The following DBNL variants were observed in gnomAD, a reference collection of about 807,000 sequenced individuals.
The protein encoded by DBNL is drebrin like.
In DBNL, 35 loss-of-function variants were observed where a neutral mutation model predicts 62.2. That is an observed-to-expected ratio of 0.56 (90% CI 0.43 to 0.75). The LOEUF (loss-of-function observed/expected upper bound fraction) is 0.75, where lower values mean the gene tolerates loss of function less well. Ranked by LOEUF, DBNL falls within the 30% of genes least tolerant of loss-of-function variation. The probability of loss-of-function intolerance (pLI) is 0.00; values close to 1 mark genes in which losing one functional copy is unlikely to be tolerated. For missense variants in DBNL, 495 were observed against 578.4 expected, an observed-to-expected ratio of 0.86 and a Z score of 1.48; for synonymous variants, 197 against 218.0, an observed-to-expected ratio of 0.90 and a Z score of 0.85.
At position 44,065,131 on chromosome 7, in the gene DBNL, G is replaced by A. The variant is rs1226763336; in HGVS notation, c.*4215G>A. ...GGCAGCCCACCTTGCTAATGGAGTT[G>A]TAGTAGGGGTGCTTCTCGTCCATCG... On this transcript the variant is annotated 3_prime_UTR_variant, in exon 13 of 13. Coordinates refer to ENST00000448521, the MANE Select transcript of DBNL (RefSeq NM_001014436.3). 3 of 1,613,900 alleles carry A rather than the reference G, an allele frequency of 1.9e-6. No individual in the cohort carries two copies. The highest frequency in any genetic ancestry group is 2.2e-5 in the East Asian group (1 of 44,906).
At chr7:44,044,937 G>A (rs2096114218) in intron 1 of DBNL, 117 bp downstream of exon 1, 2 of 1,015,184 alleles carry the variant, frequency 2.0e-6, no homozygotes, top group African/African-American at 3.4e-5. Context: ...TGCCCAGGCA[G>A]GTGGCCTGGG....
At chr7:44,051,254 T>C (rs7801485) in intron 2 of DBNL, 45,264 of 152,736 alleles carry the variant, frequency 0.3, 7,333 homozygotes, top group African/African-American at 0.43. Context: ...CAGGGAGAAT[T>C]GTTTAGAGCT....
chr7:44,044,956 G>C lies in DBNL; in HGVS notation c.83+136G>C, dbSNP rs2128787707. 5 of 772,970 alleles carry C rather than the reference G, an allele frequency of 6.5e-6. No individual in the cohort carries two copies. In the South Asian group the frequency reaches 9.2e-5, roughly 14 times the overall value. 47.9% of individuals were successfully genotyped at this position (772,970 alleles called of 1,614,324 possible). A position where few individuals can be genotyped will look rare whatever the true frequency, so the allele number is the denominator to read the frequency against. On this transcript the variant is annotated intron_variant, in intron 1 of 12. Transcript: ENST00000448521. The stretch of plus-strand genomic sequence containing the variant: ...CAGGCAGGTGGCCTGGGGCTTACCT[G>C]TCTGCCCCTCCACACCGCAGCAGGA...
chr7:44,058,681 C>T (rs1585992774), intron 8 of DBNL: 1 of 842,924 alleles, frequency 1.2e-6, no homozygotes, highest in East Asian at 2.7e-5. Context: ...CACACCTGGT[C>T]CTGGGGGAGG....
In DBNL at chr7:44,064,804, C is replaced by CCAGCCAACTGCCAATCAGCAT; in HGVS notation, c.*3888_*3889insCAGCCAACTGCCAATCAGCAT. 7.0e-7 allele frequency: 1 copy of CCAGCCAACTGCCAATCAGCAT among 1,437,752 alleles called. No homozygotes were observed. Among genetic ancestry groups the CCAGCCAACTGCCAATCAGCAT allele is most frequent in the Non-Finnish European group, 9.6e-7 (1 of 1,041,980 alleles). 89.1% of individuals were successfully genotyped at this position (1,437,752 alleles called of 1,614,324 possible). A position where few individuals can be genotyped will look rare whatever the true frequency, so the allele number is the denominator to read the frequency against. On this transcript the variant is annotated 3_prime_UTR_variant, in exon 13 of 13. Coordinates refer to ENST00000448521, the MANE Select transcript of DBNL (RefSeq NM_001014436.3). Reference sequence around the variant, plus strand: ...CAGCTGGGGCTGCTGCCCACCCACCCTGCCCAGGCTCCTGAAGGTGGCCTC... The same window carrying CCAGCCAACTGCCAATCAGCAT: ...CAGCTGGGGCTGCTGCCCACCCACCCCAGCCAACTGCCAATCAGCATTGCCCAGGCTCCTGAAGGTGGCCTC...
rs2096146983 is a variant in DBNL, at chr7:44,060,645, G to A, written c.1154-132G>A. 1 of 1,333,876 alleles carries A rather than the reference G, an allele frequency of 7.5e-7. No homozygotes were observed. The highest frequency in any genetic ancestry group is 2.4e-5 in the Admixed American group (1 of 42,150). The allele number at this position is 1,333,876 out of a possible 1,614,324, so 82.6% of individuals were successfully genotyped here. On this transcript the variant is annotated intron_variant, in intron 12 of 12. Coordinates refer to ENST00000448521, the MANE Select transcript of DBNL (RefSeq NM_001014436.3). The surrounding 1 kb of genome is among the most constrained non-coding windows in gnomAD (Gnocchi z 6.3). ...TTGGCCAAGGCTTAGCAGGGTGGCAGGGATATTTCTGAGGAGGAACCAGAG... is the reference window on the plus strand; with the variant it reads ...TTGGCCAAGGCTTAGCAGGGTGGCAAGGATATTTCTGAGGAGGAACCAGAG...
Position 44,050,283 on chromosome 7 carries a change from G to T in DBNL, c.139+3G>T. 1 of 1,613,634 alleles carries T rather than the reference G, an allele frequency of 6.2e-7. No homozygotes were observed. Among genetic ancestry groups the T allele is most frequent in the Non-Finnish European group, 8.5e-7 (1 of 1,179,628 alleles). On this transcript the variant is annotated splice_donor_region_variant and intron_variant, in intron 2 of 12. Coordinates refer to ENST00000448521, the MANE Select transcript of DBNL (RefSeq NM_001014436.3). ...CATCCGCGTGGCTGGCACAGGGGGTGAGTATGACTCCAAATGGACTCAGGG... is the reference window on the plus strand; with the variant it reads ...CATCCGCGTGGCTGGCACAGGGGGTTAGTATGACTCCAAATGGACTCAGGG...
chr7:44,047,646 G>A (rs188186765), intron 1 of DBNL, among the ~76,000 whole-genome samples: 1 of 152,266 alleles, frequency 6.6e-6, no homozygotes, highest in Admixed American at 6.5e-5. Flanking sequence ...TAAGCAGTAG[G>A]CTCTCAGTAC....
At chr7:44,057,652 G>T in intron 5 of DBNL, 130 bp from the exon 6 acceptor site, 1 of 914,388 alleles carries the variant, frequency 1.1e-6, no homozygotes, top group Non-Finnish European at 1.7e-6. Context: ...GTGCTCTGCT[G>T]CCTCTGCTGG....
intron 4 of DBNL, among the ~76,000 whole-genome samples, chr7:44,055,709 C>T (rs2096135035): frequency 6.6e-6 from 1 of 152,188 alleles, no homozygotes; most frequent in Non-Finnish European, 1.5e-5. Flanking sequence ...CGTATATCAT[C>T]TTTCGAGAAA....
intron 8 of DBNL, 161 bp downstream of exon 8, chr7:44,058,641 A>G (rs1344119192): frequency 4.8e-6 from 5 of 1,048,086 alleles, no homozygotes; most frequent in East Asian, 2.6e-5. Flanking sequence ...GTAGAGAGGA[A>G]AGCCAAAGGC....
Position 44,065,671 on chromosome 7 carries a change from G to A in DBNL, c.*4755G>A. The A allele has an allele frequency of 1.3e-6, 1 of 792,396 alleles. No homozygotes were observed. Among genetic ancestry groups the A allele is most frequent in the Non-Finnish European group, 2.1e-6 (1 of 472,728 alleles). The allele number at this position is 792,396 out of a possible 1,614,324, so 49.1% of individuals were successfully genotyped here. On this transcript the variant is annotated 3_prime_UTR_variant, in exon 13 of 13. Coordinates refer to ENST00000448521, the MANE Select transcript of DBNL (RefSeq NM_001014436.3). ...TCCAGGCGGTGGCAGGTGACCAGTA[G>A]CTGAGCTGCTGGGGGCTGGGGGCCA...
chr7:44,060,178 A>T lies in DBNL; in HGVS notation c.1153+25A>T, dbSNP rs1333795695. 1.9e-6 allele frequency: 3 copies of T among 1,592,310 alleles called. No individual in the cohort carries two copies. The highest frequency in any genetic ancestry group is 2.2e-5 in the South Asian group (2 of 90,278). ...GGTAAGGTGCCCTGGCCTGGCTGGCACAGACCACAGGGTCCTGAGGTTAGG... is the reference window on the plus strand; with the variant it reads ...GGTAAGGTGCCCTGGCCTGGCTGGCTCAGACCACAGGGTCCTGAGGTTAGG... On this transcript the variant is annotated intron_variant, in intron 12 of 12. Coordinates refer to ENST00000448521, the MANE Select transcript of DBNL (RefSeq NM_001014436.3). This position sits in a 1 kb window ranked among gnomAD's most constrained non-coding sequence, Gnocchi z 6.3.
At position 44,062,787 on chromosome 7, in the gene DBNL, C is replaced by T. The variant is rs781204477; in HGVS notation, c.*1871C>T. 3 of 1,614,196 alleles carry T rather than the reference C, an allele frequency of 1.9e-6. No homozygotes were observed. The highest frequency in any genetic ancestry group is 1.6e-4 in the Middle Eastern group (1 of 6,062). ...CCTCACTTGGCCTTGCCCTGGGCAG[C>T]CACAGCCTCCATGGCCTTCCGCACC... On this transcript the variant is annotated 3_prime_UTR_variant, in exon 13 of 13. Coordinates refer to ENST00000448521, the MANE Select transcript of DBNL (RefSeq NM_001014436.3).
chr7:44,058,370 G>C (rs2096140915), intron 7 of DBNL, 62 bp from the exon 8 acceptor site: 2 of 1,613,094 alleles, frequency 1.2e-6, no homozygotes, highest in Non-Finnish European at 8.5e-7. Flanking sequence ...GAGGACTAAG[G>C]GGTGTGGCAT....
chr7:44,058,888 G>T lies in DBNL; in HGVS notation c.754-14G>T. ...TTTTGCCCACTGCAGGGGTCAACAT[G>T]TGCTTCCCTCCAGGAGTCTGCCGTG... On this transcript the variant is annotated splice_polypyrimidine_tract_variant and intron_variant, in intron 8 of 12. Coordinates refer to ENST00000448521, the MANE Select transcript of DBNL (RefSeq NM_001014436.3). The T allele has an allele frequency of 6.2e-7, 1 of 1,613,958 alleles. No homozygotes were observed. Among genetic ancestry groups the T allele is most frequent in the Non-Finnish European group, 8.5e-7 (1 of 1,179,938 alleles).
rs2096141225 is a variant in DBNL, at chr7:44,058,479, A to T, written c.752A>T (p.Gln251Leu). The T allele has an allele frequency of 6.2e-7, 1 of 1,614,186 alleles. No individual in the cohort carries two copies. Among genetic ancestry groups the T allele is most frequent in the African/African-American group, 1.3e-5 (1 of 75,062 alleles). Reference protein sequence around the residue: ...QEVVSRNRNEQESAVHPREIF... With the variant: ...QEVVSRNRNELESAVHPREIF... ...GTGGTTTCAAGGAACCGAAATGAGC[A>T]GGTAAGATGGGGGTGCTCTACTTGT... The change falls in exon 8 of 13, where the codon CAG becomes CTG. Residue 251 changes from glutamine (Q) to leucine (L), a missense_variant and splice_region_variant. Coordinates refer to ENST00000448521, the MANE Select transcript of DBNL (RefSeq NM_001014436.3).
Position 44,044,716 on chromosome 7 carries a change from C to G in DBNL, c.-22C>G. 1 of 1,481,592 alleles carries G rather than the reference C, an allele frequency of 6.7e-7. No homozygotes were observed. Among genetic ancestry groups the G allele is most frequent in the East Asian group, 2.9e-5 (1 of 35,012 alleles). The allele number at this position is 1,481,592 out of a possible 1,614,324, so 91.8% of individuals were successfully genotyped here. On this transcript the variant is annotated 5_prime_UTR_variant, in exon 1 of 13. Coordinates refer to ENST00000448521, the MANE Select transcript of DBNL (RefSeq NM_001014436.3). The stretch of plus-strand genomic sequence containing the variant: ...CCCGGCCCGGAAGCTACAGCAGCGG[C>G]GCGGAGACTGCGGGGCGGGCCATGG...
rs1003693539 is a variant in DBNL, at chr7:44,063,366, C to T, written c.*2450C>T. 3.2e-5 allele frequency: 8 copies of T among 246,244 alleles called. No homozygotes were observed. The highest frequency in any genetic ancestry group is 5.7e-5 in the Non-Finnish European group (7 of 123,662). The allele number at this position is 246,244 out of a possible 1,614,324, so 15.3% of individuals were successfully genotyped here. A position where few individuals can be genotyped will look rare whatever the true frequency, so the allele number is the denominator to read the frequency against. ...GTGGCACGATCTTGGCTCACTGCAA[C>T]CTCCATCTCCTGGGTTGAAGTGATT... On this transcript the variant is annotated 3_prime_UTR_variant, in exon 13 of 13. Coordinates refer to ENST00000448521, the MANE Select transcript of DBNL (RefSeq NM_001014436.3).
Sources: gnomAD v4.1 joint callset for allele counts (sites outside exome capture counted in the v4.1 genomes callset) on GRCh38, gnomAD v4.1.1 for gene constraint, Gnocchi (gnomAD v3.1) non-coding constraint, MANE v1.5 for transcripts, NCBI Gene and HGNC (gene_info 2026-07-23, HGNC 2026-07-21) for gene names.